The following COMMD1 variants were observed in gnomAD, a reference collection of about 807,000 sequenced individuals.
COMMD1 encodes COMM domain-containing protein 1.
Under a neutral mutation model 17.2 loss-of-function variants are expected in COMMD1, and 10 were observed. The observed-to-expected ratio is 0.58, with a 90% CI of 0.36 to 0.99. The LOEUF (loss-of-function observed/expected upper bound fraction) is 0.99. Ranked by LOEUF, COMMD1 falls within the 50% of genes least tolerant of loss-of-function variation. COMMD1 has a pLI of 0.01. For synonymous variants in COMMD1, 97 were observed against 91.6 expected (o/e 1.06, Z -0.34); for missense variants, 270 against 231.8 (o/e 1.17, Z -1.07).
chr2:61,927,455 C>T (rs1376824469), intron 1 of COMMD1, among the ~76,000 whole-genome samples: 12 of 151,848 alleles, frequency 7.9e-5, no homozygotes, highest in African/African-American at 2.7e-4. Context: ...TGCAGTGGCG[C>T]GATGTCAGCT....
chr2:62,122,609 C>G (rs1193468192), intron 2 of COMMD1, among the ~76,000 whole-genome samples: 1 of 152,168 alleles, frequency 6.6e-6, no homozygotes, highest in Non-Finnish European at 1.5e-5. Context: ...ATAATTCATC[C>G]AACCAAAGAA....
At chr2:61,907,282 T>C (rs1669796523) in intron 1 of COMMD1, among the ~76,000 whole-genome samples, 1 of 152,160 alleles carries the variant, frequency 6.6e-6, no homozygotes, top group Non-Finnish European at 1.5e-5. Context: ...AATTTTTGTA[T>C]TTTTAGTAGA....
upstream of COMMD1, among the ~76,000 whole-genome samples, chr2:61,904,126 C>A (rs1288847128): frequency 6.6e-6 from 1 of 151,688 alleles, no homozygotes; most frequent in Admixed American, 6.6e-5. Context: ...TTCTCCTGCC[C>A]CAGCCTCCCG....
At chr2:61,906,586 C>T (rs1669776962) in intron 1 of COMMD1, among the ~76,000 whole-genome samples, 1 of 151,824 alleles carries the variant, frequency 6.6e-6, no homozygotes, top group Admixed American at 6.6e-5. Flanking sequence ...TGGCTAATAA[C>T]CATCATATTG....
At chr2:61,893,870 T>C (rs2105155824) in intron 1 of COMMD1, among the ~76,000 whole-genome samples, 1 of 151,330 alleles carries the variant, frequency 6.6e-6, no homozygotes, top group South Asian at 2.1e-4. Flanking sequence ...ATGAGTGTTG[T>C]TTTAGGGGTC....
intron 2 of COMMD1, among the ~76,000 whole-genome samples, chr2:62,081,992 T>A (rs148276518): frequency 8.1e-4 from 124 of 152,332 alleles, no homozygotes; most frequent in African/African-American, 2.8e-3. Flanking sequence ...AAGTCGGGAA[T>A]CTAATTTCCC....
chr2:62,106,772 G>A (rs1672334624), intron 2 of COMMD1, among the ~76,000 whole-genome samples: 1 of 152,174 alleles, frequency 6.6e-6, no homozygotes, highest in Admixed American at 6.5e-5. Flanking sequence ...GAAGTTTTCT[G>A]GAAAGGAGAA....
intron 2 of COMMD1, among the ~76,000 whole-genome samples, chr2:62,016,241 C>G (rs375896655): frequency 2.5e-4 from 31 of 123,562 alleles, no homozygotes; most frequent in Admixed American, 3.8e-4. Flanking sequence ...CAGGGTCTTG[C>G]TCTATCGCCC....
intron 1 of COMMD1, among the ~76,000 whole-genome samples, chr2:61,946,741 A>T (rs1337040273): frequency 6.6e-6 from 1 of 152,194 alleles, no homozygotes; most frequent in East Asian, 1.9e-4. Flanking sequence ...TCGACCATAT[A>T]AAATACTAGT....
intron 2 of COMMD1, among the ~76,000 whole-genome samples, chr2:62,011,225 A>G (rs1669268587): frequency 6.6e-6 from 1 of 152,176 alleles, no homozygotes; most frequent in Non-Finnish European, 1.5e-5. Context: ...TTGACAATGT[A>G]TAATACAATA....
intron 2 of COMMD1, among the ~76,000 whole-genome samples, chr2:62,049,820 T>A (rs1670488775): frequency 6.6e-6 from 1 of 152,174 alleles, no homozygotes; most frequent in Non-Finnish European, 1.5e-5. Flanking sequence ...GAGTGATTAA[T>A]GTAGTAGGGG....
At chr2:62,085,427 C>T (rs1671634673) in intron 2 of COMMD1, among the ~76,000 whole-genome samples, 1 of 151,962 alleles carries the variant, frequency 6.6e-6, no homozygotes, top group South Asian at 2.1e-4. Flanking sequence ...CCATATTAGC[C>T]AGAATGGTCT....
intron 1 of COMMD1, among the ~76,000 whole-genome samples, chr2:61,984,999 G>T (rs1282747048): frequency 2.0e-5 from 3 of 148,024 alleles, no homozygotes; most frequent in Non-Finnish European, 4.5e-5. Context: ...CTATTTGCCT[G>T]GAATATCTTT....
At chr2:62,048,742 T>G (rs1295666705) in intron 2 of COMMD1, among the ~76,000 whole-genome samples, 3 of 152,170 alleles carry the variant, frequency 2.0e-5, no homozygotes, top group Admixed American at 2.0e-4. Context: ...ATTTTGAAAG[T>G]AAGTCCCTGG....
intron 1 of COMMD1, among the ~76,000 whole-genome samples, chr2:61,993,033 A>G (rs978320174): frequency 1.4e-5 from 2 of 148,084 alleles, no homozygotes; most frequent in African/African-American, 5.3e-5. Flanking sequence ...ATTATGTACA[A>G]CTTACCTTAT....
At chr2:62,005,658 C>G (rs1669091409) in intron 2 of COMMD1, among the ~76,000 whole-genome samples, 1 of 152,124 alleles carries the variant, frequency 6.6e-6, no homozygotes, top group Non-Finnish European at 1.5e-5. Flanking sequence ...CCATCTCACA[C>G]CAGTTAGAAT....
At chr2:61,963,772 G>T (rs567295971) in intron 1 of COMMD1, among the ~76,000 whole-genome samples, 1 of 152,220 alleles carries the variant, frequency 6.6e-6, no homozygotes, top group Admixed American at 6.5e-5. Context: ...TTGGTAGTTT[G>T]TATCAGAATT....
intron 2 of COMMD1, among the ~76,000 whole-genome samples, chr2:62,133,679 G>T (rs1172726263): frequency 1.3e-5 from 2 of 152,122 alleles, no homozygotes; most frequent in East Asian, 3.9e-4. Context: ...TCTAAAGGTG[G>T]TAAATTATGG....
chr2:62,048,880 C>T (rs1670457549), intron 2 of COMMD1, among the ~76,000 whole-genome samples: 1 of 152,088 alleles, frequency 6.6e-6, no homozygotes, highest in Non-Finnish European at 1.5e-5. Context: ...CAGGTGACAG[C>T]ACCTCTACTT....
Sources: gnomAD v4.1 joint callset for allele counts (sites outside exome capture counted in the v4.1 genomes callset) on GRCh38, gnomAD v4.1.1 for gene constraint, MANE v1.5 for transcripts, NCBI Gene and HGNC (gene_info 2026-07-23, HGNC 2026-07-21) for gene names.